TAF1B: variants seen among roughly 807,000 people sequenced by gnomAD.
TAF1B encodes the protein TATA box-binding protein-associated factor RNA polymerase I subunit B.
TAF1B carries 61 observed loss-of-function variants against 83.9 expected under a neutral mutation model. The observed-to-expected ratio is 0.73, with a 90% CI of 0.59 to 0.90. The LOEUF is 0.90. Ranked by LOEUF, TAF1B falls within the 40% of genes least tolerant of loss-of-function variation. TAF1B has a pLI of 0.00. For missense variants in TAF1B, 625 were observed against 677.0 expected (o/e 0.92, Z 0.85); for synonymous variants, 221 against 224.6 (o/e 0.98, Z 0.14).
chr2:9,855,144 G>A (rs777709168), intron 5 of TAF1B, among the ~76,000 whole-genome samples: 23 of 152,054 alleles, frequency 1.5e-4, no homozygotes, highest in Admixed American at 5.9e-4. Flanking sequence ...ACAGGCGCCC[G>A]CCACCACACC....
chr2:9,914,870 A>G lies in TAF1B; in HGVS notation c.1271+1621A>G, dbSNP rs1835426. Among the ~76,000 whole-genome samples, 78,162 of 151,992 alleles carry G rather than the reference A, an allele frequency of 0.51. 23,112 individuals carry two copies. Among genetic ancestry groups the G allele is most frequent in the Non-Finnish European group, 0.68 (45,911 of 67,944 alleles). On this transcript the variant is annotated intron_variant, in intron 12 of 14. Coordinates refer to ENST00000263663, the MANE Select transcript of TAF1B (RefSeq NM_005680.3). The surrounding 1 kb of genome is among the most constrained non-coding windows in gnomAD (Gnocchi z 4.3). The stretch of plus-strand genomic sequence containing the variant: ...CAACTGCTGCTCAGGCCCAGAGCTC[A>G]GTGCGTGGTGGCCACCTGTCGGTTT...
chr2:9,843,754 T>A, intron 1 of TAF1B, 195 bp downstream of exon 1: 1 of 545,882 alleles, frequency 1.8e-6, no homozygotes, highest in Non-Finnish European at 3.1e-6. Flanking sequence ...GTAAAGAGGC[T>A]GGAGTTTCTG....
At chr2:9,911,490 T>G in intron 10 of TAF1B, 21 bp from the exon 11 acceptor site, 1 of 1,493,646 alleles carries the variant, frequency 6.7e-7, no homozygotes, top group Non-Finnish European at 9.0e-7. Flanking sequence ...AATAAATTGA[T>G]TTGTTTATTG....
intron 5 of TAF1B, among the ~76,000 whole-genome samples, chr2:9,861,474 A>T (rs1663756913): frequency 6.6e-6 from 1 of 152,266 alleles, no homozygotes; most frequent in Non-Finnish European, 1.5e-5. Context: ...GGAACCCACC[A>T]CAGCTCAAGG....
Position 9,919,753 on chromosome 2 carries a change from GAGAA to G in TAF1B, c.1501_1504del (p.Lys501AlafsTer5). On this transcript the variant is annotated frameshift_variant, in exon 14 of 15. Transcript: ENST00000263663. LOFTEE classifies it high-confidence loss of function. ...ACACAGCCTTCAGGGAGTCCTGAAA[GAGAA>G]AGGCCAATCACTGCTGACTAAGAAT... 6.2e-7 allele frequency: 1 copy of G among 1,614,196 alleles called. No homozygotes were observed. The highest frequency in any genetic ancestry group is 1.6e-4 in the Middle Eastern group (1 of 6,062).
chr2:9,859,676 G>A (rs1056266557), intron 5 of TAF1B, among the ~76,000 whole-genome samples: 4 of 152,136 alleles, frequency 2.6e-5, no homozygotes, highest in South Asian at 2.1e-4. Flanking sequence ...ATGAGCCATC[G>A]CACCTGGCCG....
At chr2:9,912,048 A>C (rs1164591308) in intron 11 of TAF1B, among the ~76,000 whole-genome samples, 1 of 152,204 alleles carries the variant, frequency 6.6e-6, no homozygotes, top group East Asian at 1.9e-4. Context: ...ATCAGAACTA[A>C]TAACTCCTGC....
At chr2:9,882,980 A>G (rs1215656247) in intron 8 of TAF1B, among the ~76,000 whole-genome samples, 175 bp downstream of exon 8, 1 of 152,144 alleles carries the variant, frequency 6.6e-6, no homozygotes, top group African/African-American at 2.4e-5. Context: ...CCTTATGTGG[A>G]TTCCTCTAAT....
At chr2:9,861,328 G>T (rs1663748191) in intron 5 of TAF1B, among the ~76,000 whole-genome samples, 1 of 152,254 alleles carries the variant, frequency 6.6e-6, no homozygotes, top group Non-Finnish European at 1.5e-5. Context: ...AGGGTGCTAT[G>T]CCCATGGAGC....
chr2:9,933,032 C>G (rs761981787), intron 14 of TAF1B, among the ~76,000 whole-genome samples: 1 of 152,310 alleles, frequency 6.6e-6, no homozygotes, highest in South Asian at 2.1e-4. Flanking sequence ...ATTGGAAAAG[C>G]GCAGTATTTG....
At chr2:9,851,511 A>G (rs1663390214) in intron 3 of TAF1B, 30 bp from the exon 4 acceptor site, 5 of 1,528,694 alleles carry the variant, frequency 3.3e-6, no homozygotes, top group South Asian at 1.2e-5. Context: ...TTAGGAATGT[A>G]TATGCTAAAA....
Position 9,851,540 on chromosome 2 carries a change from GA to G in TAF1B, c.210del (p.Gly71AlafsTer21). The G allele has an allele frequency of 6.3e-7, 1 of 1,595,208 alleles. No individual in the cohort carries two copies. Among genetic ancestry groups the G allele is most frequent in the Admixed American group, 1.8e-5 (1 of 56,000 alleles). ...GCTAAAACATGCTATTTGTCATTTA[GA>G]AAAAGGCTGGGATTGGTATGTGTGT... ...NRGLKKKNNTEKGWDWYVCEG... is the reference protein window; with the variant it reads ...NRGLKKKNNTXKGWDWYVCEG... On this transcript the variant is annotated frameshift_variant and splice_region_variant, in exon 4 of 15. Coordinates refer to ENST00000263663, the MANE Select transcript of TAF1B (RefSeq NM_005680.3). LOFTEE classifies it high-confidence loss of function.
At chr2:9,913,514 T>C (rs2125174374) in intron 12 of TAF1B, 1 of 296,998 alleles carries the variant, frequency 3.4e-6, no homozygotes, top group South Asian at 1.4e-4. Context: ...GTATACTTTT[T>C]ATAATTTAAC....
At chr2:9,845,736 A>C (rs1424182245) in intron 2 of TAF1B, 1 of 253,652 alleles carries the variant, frequency 3.9e-6, no homozygotes, top group Non-Finnish European at 7.7e-6. Flanking sequence ...TAATCCCAGC[A>C]CTTTGGGAGG....
intron 12 of TAF1B, among the ~76,000 whole-genome samples, chr2:9,916,729 A>G (rs6759700): frequency 0.34 from 52,167 of 151,766 alleles, 9,769 homozygotes; most frequent in African/African-American, 0.49. Flanking sequence ...TAAATGTGGT[A>G]TGGTTCACTA....
chr2:9,859,473 G>A (rs1311692192), intron 5 of TAF1B, among the ~76,000 whole-genome samples: 3 of 148,250 alleles, frequency 2.0e-5, no homozygotes, highest in African/African-American at 5.0e-5. Context: ...TGCAACCTCC[G>A]CCTCCTGGAT....
chr2:9,856,342 G>A (rs961051102), intron 5 of TAF1B, among the ~76,000 whole-genome samples: 11 of 151,088 alleles, frequency 7.3e-5, no homozygotes, highest in Middle Eastern at 3.5e-3. Flanking sequence ...TGAGGGGTTC[G>A]TTTGGAGAAT....
chr2:9,931,855 CT>C (rs1168288367), intron 14 of TAF1B, among the ~76,000 whole-genome samples: 62 of 152,238 alleles, frequency 4.1e-4, no homozygotes, highest in East Asian at 1.2e-3. Context: ...TTCTTGGAGG[CT>C]TTGTTTGTTT....
chr2:9,878,451 G>T (rs372127800), intron 7 of TAF1B, among the ~76,000 whole-genome samples: 2 of 152,086 alleles, frequency 1.3e-5, no homozygotes, highest in Admixed American at 6.6e-5. Context: ...AATATGTAAA[G>T]AACACAGTTT....
Sources: gnomAD v4.1 joint callset for allele counts (sites outside exome capture counted in the v4.1 genomes callset) on GRCh38, gnomAD v4.1.1 for gene constraint, Gnocchi (gnomAD v3.1) non-coding constraint, MANE v1.5 for transcripts, NCBI Gene and HGNC (gene_info 2026-07-23, HGNC 2026-07-21) for gene names.